PTPN23: variants seen among roughly 807,000 people sequenced by gnomAD.
PTPN23 encodes protein tyrosine phosphatase non-receptor type 23.
Under a neutral mutation model 156.3 loss-of-function variants are expected in PTPN23, and 72 were observed. The ratio of observed to expected loss-of-function variants is 0.46; its 90% CI spans 0.38 to 0.56. PTPN23 has a LOEUF of 0.56. Among genes scored for constraint, PTPN23 ranks in the 20% least tolerant of loss-of-function variants. The pLI is 0.00. For missense variants in PTPN23, 1,974 were observed against 2,171.5 expected (o/e 0.91, Z 1.81); for synonymous variants, 957 against 899.6 (o/e 1.06, Z -1.14).
In PTPN23 at chr3:47,409,239, G is replaced by A. The variant is rs1576228482; in HGVS notation, c.1719G>A (p.Leu573=). Residue 573 remains leucine, a synonymous_variant, in exon 17 of 25, where the codon CTG becomes CTA. Coordinates refer to ENST00000265562, the MANE Select transcript of PTPN23 (RefSeq NM_015466.4). The part of the protein sequence containing the change: ...VQEMRDQRVS[L]EQQLRELIQK... ...AGATGCGGGACCAGCGCGTGTCCCT[G>A]GAGCAGCAGCTGCGTGAGCTTATCC... 4 of 1,614,056 alleles carry A rather than the reference G, an allele frequency of 2.5e-6. No individual in the cohort carries two copies. Among genetic ancestry groups the A allele is most frequent in the Non-Finnish European group, 3.4e-6 (4 of 1,180,050 alleles).
chr3:47,412,390 G>GGCAGCAGAGAAAGCACATGCT lies in PTPN23; in HGVS notation c.4291_4311dup (p.Gln1431_Gln1437dup). 1 of 1,613,152 alleles carries GGCAGCAGAGAAAGCACATGCT rather than the reference G, an allele frequency of 6.2e-7. No homozygotes were observed. The highest frequency in any genetic ancestry group is 8.5e-7 in the Non-Finnish European group (1 of 1,180,018). ...CTGCCTCAGCTGGTGCGGCGCATGCGGCAGCAGAGAAAGCACATGCTGCAG... is the reference window on the plus strand; with the variant it reads ...CTGCCTCAGCTGGTGCGGCGCATGCGGCAGCAGAGAAAGCACATGCTGCAGCAGAGAAAGCACATGCTGCAG... On this transcript the variant is annotated inframe_insertion, in exon 23 of 25. Transcript: ENST00000265562.
At position 47,395,318 on chromosome 3, in the gene PTPN23, G is replaced by A. The variant is rs930394285; in HGVS notation, c.85-825G>A. On this transcript the variant is annotated intron_variant, in intron 1 of 24. Coordinates refer to ENST00000265562, the MANE Select transcript of PTPN23 (RefSeq NM_015466.4). Reference sequence around the variant, plus strand: ...AAGGAGCCCTGTGAGGTGGGTATCAGTGCTCATAGTGTTTGTGGCGTGAGT... The same window carrying A: ...AAGGAGCCCTGTGAGGTGGGTATCAATGCTCATAGTGTTTGTGGCGTGAGT... Among the ~76,000 whole-genome samples the A allele has an allele frequency of 3.3e-5, 5 of 152,358 alleles. No homozygotes were observed. The East Asian group carries it at 7.7e-4, about 23-fold the overall frequency.
rs1434120750 is a variant in PTPN23, at chr3:47,412,153, A to G, written c.4133A>G (p.Tyr1378Cys). 1 of 1,613,036 alleles carries G rather than the reference A, an allele frequency of 6.2e-7. No homozygotes were observed. Among genetic ancestry groups the G allele is most frequent in the African/African-American group, 1.3e-5 (1 of 74,914 alleles). ...LRFIQEVHAHYLHQRPLHTPI... is the reference protein window; with the variant it reads ...LRFIQEVHAHCLHQRPLHTPI... ...TTCATCCAGGAGGTGCACGCACATT[A>G]CCTGCATCAGCGGCCGCTGCACACG... The change falls in exon 22 of 25, where the codon TAC becomes TGC. Residue 1378 changes from tyrosine (Y) to cysteine (C), a missense_variant. By Grantham distance (194) the Tyr-to-Cys change is radical (BLOSUM62 -2). This residue lies in a region of PTPN23 where 484 missense variants were observed against 516.0 expected (regional missense o/e 0.94). Coordinates refer to ENST00000265562, the MANE Select transcript of PTPN23 (RefSeq NM_015466.4).
At chr3:47,400,304 G>A (rs992356451) in intron 2 of PTPN23, among the ~76,000 whole-genome samples, 1 of 152,214 alleles carries the variant, frequency 6.6e-6, no homozygotes, top group Non-Finnish European at 1.5e-5. Context: ...TTTAAACTCT[G>A]AAATAAATTC....
rs1705080437 is a variant in PTPN23 at position 47,404,693 on chromosome 3, C to T, written c.201C>T (p.Val67=). The part of the protein sequence containing the change: ...RVPRDFEGCS[V]LRKYLGQLHY... ...CACGAGACTTTGAGGGCTGTAGTGT[C>T]CTCCGCAAGTACCTCGGCCAGCTTC... The change falls in exon 3 of 25, where the codon GTC becomes GTT. Residue 67 remains valine, a synonymous_variant. Transcript: ENST00000265562. The T allele has an allele frequency of 1.2e-6, 2 of 1,614,030 alleles. No individual in the cohort carries two copies. Among genetic ancestry groups the T allele is most frequent in the Non-Finnish European group, 1.7e-6 (2 of 1,180,022 alleles).
In PTPN23 at chr3:47,384,758, C is replaced by T. The variant is rs181172412; in HGVS notation, c.84+3578C>T. Among the ~76,000 whole-genome samples the T allele has an allele frequency of 2.0e-3, 310 of 151,926 alleles. 1 individual carries two copies. The highest frequency in any genetic ancestry group is 4.7e-3 in the Admixed American group (71 of 15,246). On this transcript the variant is annotated intron_variant, in intron 1 of 24. Transcript: ENST00000265562. ...AAACTTTAGGTTAGGATATTGGACCCGTGTGAATTTTTTTTTTTTTTTAGA... is the reference window on the plus strand; with the variant it reads ...AAACTTTAGGTTAGGATATTGGACCTGTGTGAATTTTTTTTTTTTTTTAGA...
At position 47,410,220 on chromosome 3, in the gene PTPN23, C is replaced by T. The variant is rs1180504442; in HGVS notation, c.2422C>T (p.Pro808Ser). Reference protein sequence around the residue: ...GPTQLIQPRAPGPHAMPVAPG... With the variant: ...GPTQLIQPRASGPHAMPVAPG... ...CACCCAGCTGATACAGCCCAGGGCC[C>T]CAGGGCCCCATGCAATGCCCGTAGC... The change falls in exon 20 of 25, where the codon CCA becomes TCA. Residue 808 changes from proline to serine, a missense_variant. Physicochemically the swap from Pro to Ser is moderately conservative, Grantham distance 74. Coordinates refer to ENST00000265562, the MANE Select transcript of PTPN23 (RefSeq NM_015466.4). The T allele has an allele frequency of 1.4e-5, 22 of 1,611,534 alleles. No homozygotes were observed. The East Asian group carries it at 2.9e-4, about 21-fold the overall frequency.
At chr3:47,387,904 C>G (rs1188815959) in intron 1 of PTPN23, among the ~76,000 whole-genome samples, 1 of 152,088 alleles carries the variant, frequency 6.6e-6, no homozygotes, top group Non-Finnish European at 1.5e-5. Context: ...TGTGGTTTGC[C>G]CTTTCTCTAA....
In PTPN23 at chr3:47,406,154, G is replaced by A; in HGVS notation, c.546+108G>A. 1 of 1,516,870 alleles carries A rather than the reference G, an allele frequency of 6.6e-7. No individual in the cohort carries two copies. Among genetic ancestry groups the A allele is most frequent in the Non-Finnish European group, 8.9e-7 (1 of 1,124,082 alleles). The allele number at this position is 1,516,870 out of a possible 1,614,324, so 94.0% of individuals were successfully genotyped here. On this transcript the variant is annotated intron_variant, in intron 6 of 24. Coordinates refer to ENST00000265562, the MANE Select transcript of PTPN23 (RefSeq NM_015466.4). The surrounding 1 kb of genome is among the most constrained non-coding windows in gnomAD (Gnocchi z 5.8). ...ACCAAGGCAGTGAGGGACAAGCAAG[G>A]GGCCTTGGCTTTGTTGAATCAGGAG... is the stretch of plus-strand genomic sequence containing the variant.
chr3:47,399,755 TC>T (rs1173494524), intron 2 of PTPN23, among the ~76,000 whole-genome samples: 7 of 152,122 alleles, frequency 4.6e-5, no homozygotes, highest in Non-Finnish European at 7.4e-5. Flanking sequence ...GGTAGCCACT[TC>T]CCCTTCCTGG....
chr3:47,407,145 A>T lies in PTPN23; in HGVS notation c.823A>T (p.Ser275Cys). ...CCCTCCACAGGTTGCATACTTCCAG[A>T]GCGCCCTGGACAAGCTCAATGAAGC... ...KFGERVAYFQ[S>C]ALDKLNEAIK... The change falls in exon 10 of 25, where the codon AGC (serine) becomes TGC (cysteine). Residue 275 changes from serine (S) to cysteine (C), a missense_variant. By Grantham distance (112) the Ser-to-Cys change is moderately radical. This residue lies in a region of PTPN23 where 726 missense variants were observed against 929.5 expected (regional missense o/e 0.78). Transcript: ENST00000265562. The surrounding 1 kb of genome is among the most constrained non-coding windows in gnomAD (Gnocchi z 4.0). 1 of 1,614,028 alleles carries T rather than the reference A, an allele frequency of 6.2e-7. No homozygotes were observed. The highest frequency in any genetic ancestry group is 1.7e-5 in the Admixed American group (1 of 59,988).
chr3:47,407,040 CTGA>C lies in PTPN23; in HGVS notation c.808-87_808-85del. On this transcript the variant is annotated intron_variant, in intron 9 of 24. Transcript: ENST00000265562. This position sits in a 1 kb window ranked among gnomAD's most constrained non-coding sequence, Gnocchi z 4.0. The stretch of plus-strand genomic sequence containing the variant: ...GGCTGCCTCCTGAGCTGCTTGTCAT[CTGA>C]TGGACAGGCAGGGCCGGGTGGGAGG... The C allele has an allele frequency of 6.5e-7, 1 of 1,540,374 alleles. No homozygotes were observed. Among genetic ancestry groups the C allele is most frequent in the Non-Finnish European group, 8.9e-7 (1 of 1,119,346 alleles).
rs1046162419 is a variant in PTPN23, at chr3:47,407,008, G to T, written c.808-122G>T. 1 of 1,319,752 alleles carries T rather than the reference G, an allele frequency of 7.6e-7. No individual in the cohort carries two copies. Among genetic ancestry groups the T allele is most frequent in the East Asian group, 2.4e-5 (1 of 41,398 alleles). The allele number at this position is 1,319,752 out of a possible 1,614,324, so 81.8% of individuals were successfully genotyped here. On this transcript the variant is annotated intron_variant, in intron 9 of 24. Transcript: ENST00000265562. The surrounding 1 kb of genome is among the most constrained non-coding windows in gnomAD (Gnocchi z 4.0). ...CCACCTTGCTGCTGTTGGCTGGGGTGGTGCCCGGCTGCCTCCTGAGCTGCT... is the reference window on the plus strand; with the variant it reads ...CCACCTTGCTGCTGTTGGCTGGGGTTGTGCCCGGCTGCCTCCTGAGCTGCT...
intron 2 of PTPN23, among the ~76,000 whole-genome samples, chr3:47,403,395 A>G (rs1452390475): frequency 6.6e-6 from 1 of 151,772 alleles, no homozygotes; most frequent in South Asian, 2.1e-4. Context: ...TGCCATAGGC[A>G]TCTTAACATA....
chr3:47,412,002 T>C, intron 21 of PTPN23, 35 bp downstream of exon 21: 1 of 1,606,010 alleles, frequency 6.2e-7, no homozygotes, highest in Non-Finnish European at 8.5e-7. Flanking sequence ...GTTGGGGGTC[T>C]AAGTGCTGTC....
chr3:47,397,183 AGATCACT>A (rs761459312), intron 2 of PTPN23, among the ~76,000 whole-genome samples: 22 of 152,334 alleles, frequency 1.4e-4, no homozygotes, highest in Middle Eastern at 3.4e-3. Flanking sequence ...GTAACATCAA[AGATCACT>A]GATCACTGAT....
chr3:47,403,209 C>T (rs1705039331), intron 2 of PTPN23, among the ~76,000 whole-genome samples: 1 of 151,644 alleles, frequency 6.6e-6, no homozygotes, highest in African/African-American at 2.4e-5. Flanking sequence ...CCTGCCACCA[C>T]GTCCGGCTAA....
chr3:47,408,096 G>A (rs1705173401), intron 14 of PTPN23, 141 bp downstream of exon 14: 5 of 1,077,740 alleles, frequency 4.6e-6, no homozygotes, highest in Non-Finnish European at 6.8e-6. Flanking sequence ...CGCCTGGGGT[G>A]GTGGGGCTAG....
intron 2 of PTPN23, among the ~76,000 whole-genome samples, chr3:47,397,288 C>T (rs1314978799): frequency 6.6e-6 from 1 of 152,188 alleles, no homozygotes; most frequent in African/African-American, 2.4e-5. Flanking sequence ...GCACATGCTG[C>T]TGGAAAAATG....
Sources: allele counts gnomAD v4.1 joint callset (sites outside exome capture counted in the v4.1 genomes callset), GRCh38; gene constraint gnomAD v4.1.1; regional missense constraint gnomAD v4.1.1; non-coding constraint Gnocchi (gnomAD v3.1); transcripts MANE v1.5; gene names NCBI Gene and HGNC (gene_info 2026-07-23, HGNC 2026-07-21).